The following TBC1D5 variants were observed in gnomAD, a reference collection of about 807,000 sequenced individuals.
TBC1D5 encodes TBC1 domain family member 5, also known as TBC1 domain family, member 5.
In TBC1D5, 75 loss-of-function variants were observed where a neutral mutation model predicts 100.3. The observed-to-expected ratio is 0.75, with a 90% CI of 0.62 to 0.91. The LOEUF is 0.91. TBC1D5 is among the 40% of genes least tolerant of loss of function. The pLI is 0.00. For missense variants in TBC1D5, 910 were observed against 942.4 expected (o/e 0.97, Z 0.45); for synonymous variants, 323 against 325.6 (o/e 0.99, Z 0.09).
chr3:17,455,045 C>G (rs914678063), intron 3 of TBC1D5, among the ~76,000 whole-genome samples: 1 of 150,996 alleles, frequency 6.6e-6, no homozygotes. Context: ...TCAATGCATT[C>G]GCTATCAAAA....
At chr3:17,556,533 C>T (rs944317159) in intron 2 of TBC1D5, among the ~76,000 whole-genome samples, 7 of 152,090 alleles carry the variant, frequency 4.6e-5, no homozygotes, top group South Asian at 2.1e-4. Flanking sequence ...AAGCTAATAT[C>T]GGAATAATCT....
At chr3:17,711,509 C>G (rs78350741) in intron 1 of TBC1D5, among the ~76,000 whole-genome samples, 7,735 of 152,182 alleles carry the variant, frequency 0.051, 604 homozygotes, top group African/African-American at 0.17. Context: ...TTATCTTAAT[C>G]ATACCCTTTT....
chr3:17,390,335 G>A (rs564454048), intron 8 of TBC1D5, among the ~76,000 whole-genome samples: 69 of 152,126 alleles, frequency 4.5e-4, no homozygotes, highest in African/African-American at 1.6e-3. Flanking sequence ...ACAAATATCG[G>A]GGCTATCTGT....
chr3:17,541,639 G>T, intron 2 of TBC1D5, among the ~76,000 whole-genome samples: 1 of 152,332 alleles, frequency 6.6e-6, no homozygotes, highest in Middle Eastern at 3.4e-3. Context: ...TCTGTGAACA[G>T]AGATAATTTT....
chr3:17,511,164 A>G (rs762734747), intron 2 of TBC1D5, among the ~76,000 whole-genome samples: 8 of 152,082 alleles, frequency 5.3e-5, no homozygotes, highest in Non-Finnish European at 1.2e-4. Flanking sequence ...GTTAGCAAAT[A>G]ATTCAAATTA....
At chr3:17,427,023 T>C (rs1186895642) in intron 4 of TBC1D5, among the ~76,000 whole-genome samples, 1 of 152,068 alleles carries the variant, frequency 6.6e-6, no homozygotes, top group Non-Finnish European at 1.5e-5. Context: ...TTTACTTTTT[T>C]GGTTATTGTT....
intron 2 of TBC1D5, among the ~76,000 whole-genome samples, chr3:17,577,660 C>T (rs2096665785): frequency 6.6e-6 from 1 of 151,860 alleles, no homozygotes. Flanking sequence ...TTATTATATT[C>T]ACTACCCTTT....
intron 2 of TBC1D5, among the ~76,000 whole-genome samples, chr3:17,560,089 A>G (rs535884815): frequency 6.6e-6 from 1 of 152,298 alleles, no homozygotes; most frequent in South Asian, 2.1e-4. Flanking sequence ...AGAAAATACA[A>G]TGGCACCTAT....
In TBC1D5 at chr3:17,253,962, G is replaced by A. The variant is rs114276033; in HGVS notation, c.1331+4544C>T. ...ATGCAGGTTCCTATATGAGAGAGCC[G>A]ACTATGGGACTTAAGTACACGTGGA... is the stretch of plus-strand genomic sequence containing the variant. On this transcript the variant is annotated intron_variant, in intron 16 of 21. Coordinates refer to ENST00000253692, the Ensembl canonical transcript of TBC1D5. 9.3e-3 allele frequency among the ~76,000 whole-genome samples: 1,422 copies of A among 152,258 alleles called. 23 individuals carry two copies. Among genetic ancestry groups the A allele is most frequent in the African/African-American group, 0.031 (1,304 of 41,544 alleles).
At chr3:17,701,224 C>A (rs1204219974) in intron 1 of TBC1D5, among the ~76,000 whole-genome samples, 1 of 152,042 alleles carries the variant, frequency 6.6e-6, no homozygotes, top group African/African-American at 2.4e-5. Flanking sequence ...CAAACTATCA[C>A]AAGGACAGAA....
intron 8 of TBC1D5, among the ~76,000 whole-genome samples, chr3:17,402,187 T>C (rs1213598207): frequency 6.6e-6 from 1 of 152,164 alleles, no homozygotes; most frequent in East Asian, 1.9e-4. Flanking sequence ...ACTACAAACT[T>C]AGTAGTAGTT....
intron 2 of TBC1D5, among the ~76,000 whole-genome samples, chr3:17,511,356 A>G (rs993124169): frequency 2.0e-5 from 3 of 151,984 alleles, no homozygotes; most frequent in Non-Finnish European, 4.4e-5. Context: ...ATTTTCTTTA[A>G]TATCTTAAAC....
intron 3 of TBC1D5, among the ~76,000 whole-genome samples, chr3:17,475,463 G>A (rs1205223381): frequency 6.6e-6 from 1 of 151,928 alleles, no homozygotes; most frequent in Admixed American, 6.6e-5. Flanking sequence ...TTTAGTAAAT[G>A]TTATCACCTC....
intron 2 of TBC1D5, among the ~76,000 whole-genome samples, chr3:17,515,315 T>A (rs528779923): frequency 2.6e-5 from 4 of 152,328 alleles, no homozygotes; most frequent in Admixed American, 6.5e-5. Context: ...TATTTATCCC[T>A]TGGTTTTTAT....
chr3:17,645,137 C>T (rs1560362743), intron 1 of TBC1D5, among the ~76,000 whole-genome samples: 1 of 152,030 alleles, frequency 6.6e-6, no homozygotes, highest in Non-Finnish European at 1.5e-5. Context: ...ATACTGCTAG[C>T]CTATGCTTTA....
At chr3:17,178,807 T>G (rs1331321848) in intron 19 of TBC1D5, among the ~76,000 whole-genome samples, 1 of 151,024 alleles carries the variant, frequency 6.6e-6, no homozygotes, top group East Asian at 2.0e-4. Flanking sequence ...GCCCAACTAA[T>G]TTTTAATTTT....
intron 2 of TBC1D5, among the ~76,000 whole-genome samples, chr3:17,512,449 T>C (rs370421668): frequency 1.3e-5 from 2 of 152,132 alleles, no homozygotes; most frequent in Non-Finnish European, 2.9e-5. Flanking sequence ...TTCTCTTATA[T>C]AGAACCAAGA....
chr3:17,207,398 A>T (rs773058034), intron 18 of TBC1D5, among the ~76,000 whole-genome samples: 1 of 152,252 alleles, frequency 6.6e-6, no homozygotes, highest in Non-Finnish European at 1.5e-5. Context: ...TCTCTTCAAG[A>T]CAAACCAATA....
chr3:17,396,558 A>T (rs2093511040), intron 8 of TBC1D5, among the ~76,000 whole-genome samples: 1 of 152,084 alleles, frequency 6.6e-6, no homozygotes, highest in African/African-American at 2.4e-5. Context: ...TTTTCAAAAT[A>T]GGAACTGAGA....
Sources: allele counts gnomAD v4.1 joint callset (sites outside exome capture counted in the v4.1 genomes callset), GRCh38; gene constraint gnomAD v4.1.1; transcripts MANE v1.5; gene names NCBI Gene and HGNC (gene_info 2026-07-23, HGNC 2026-07-21).